The following ELAVL4 variants were observed in gnomAD, a reference collection of about 807,000 sequenced individuals.
The protein encoded by ELAVL4 is ELAV-like protein 4.
ELAVL4 carries 1 observed loss-of-function variant against 35.6 expected under a neutral mutation model. That is an observed-to-expected ratio of 0.03 (90% CI 0.01 to 0.13). The LOEUF (loss-of-function observed/expected upper bound fraction) is 0.13, where lower values mean the gene tolerates loss of function less well. Among genes scored for constraint, ELAVL4 ranks in the 10% least tolerant of loss-of-function variants. The pLI, the probability that ELAVL4 is intolerant of heterozygous loss-of-function variation, is 1.00. For missense variants in ELAVL4, 267 were observed against 464.9 expected, an observed-to-expected ratio of 0.57 and a Z score of 3.91; for synonymous variants, 156 against 171.0, an observed-to-expected ratio of 0.91 and a Z score of 0.69.
chr1:50,166,851 A>G (rs763571492), intron 2 of ELAVL4, among the ~76,000 whole-genome samples: 31 of 152,188 alleles, frequency 2.0e-4, no homozygotes, highest in Non-Finnish European at 4.3e-4. Context: ...GTTGACTTAA[A>G]GGTAGGAGGA....
chr1:50,166,760 C>T lies in ELAVL4; in HGVS notation c.251-10329C>T, dbSNP rs151319663. Among the ~76,000 whole-genome samples, 458 of 152,270 alleles carry T rather than the reference C, an allele frequency of 3.0e-3. 6 individuals are homozygous for T. The highest frequency in any genetic ancestry group is 0.011 in the African/African-American group (443 of 41,554). Reference sequence around the variant, plus strand: ...TTCCATGTATATTCTTCCTTACCTCCATTGTGGAGTAGTAGACTAATTTCA... The same window carrying T: ...TTCCATGTATATTCTTCCTTACCTCTATTGTGGAGTAGTAGACTAATTTCA... On this transcript the variant is annotated intron_variant, in intron 2 of 6. Coordinates refer to ENST00000371824, the MANE Select transcript of ELAVL4 (RefSeq NM_001144774.3).
rs1399979483 is a variant in ELAVL4, at chr1:50,055,568, G to A, written c.18+7386G>A. 3.9e-5 allele frequency among the ~76,000 whole-genome samples: 6 copies of A among 151,954 alleles called. No individual in the cohort carries two copies. In the East Asian group the frequency reaches 1.2e-3, roughly 29 times the overall value. ...CCCGCCTCGGCCTCCCAAAGTGCTGGGATTACAGGCGTGAGCCACCATGCC... is the reference window on the plus strand; with the variant it reads ...CCCGCCTCGGCCTCCCAAAGTGCTGAGATTACAGGCGTGAGCCACCATGCC... On this transcript the variant is annotated intron_variant, in intron 1 of 6. Coordinates refer to the ELAVL4 transcript ENST00000448907.
At chr1:50,072,356 T>C (rs1360231734) in intron 1 of ELAVL4, among the ~76,000 whole-genome samples, 3 of 152,152 alleles carry the variant, frequency 2.0e-5, no homozygotes, top group Non-Finnish European at 4.4e-5. Flanking sequence ...GGCTGGGTAA[T>C]TCATGGATGC....
intron 5 of ELAVL4, among the ~76,000 whole-genome samples, chr1:50,196,975 T>A (rs1231835955): frequency 1.3e-5 from 2 of 152,188 alleles, no homozygotes; most frequent in East Asian, 3.8e-4. Flanking sequence ...GTAAGATGAT[T>A]TAGTTAATGT....
chr1:50,196,074 A>C (rs374556224), intron 5 of ELAVL4, among the ~76,000 whole-genome samples: 1 of 152,400 alleles, frequency 6.6e-6, no homozygotes, highest in East Asian at 1.9e-4. Flanking sequence ...GTTCAGTTTC[A>C]ACAAGAGTTA....
intron 1 of ELAVL4, among the ~76,000 whole-genome samples, chr1:50,115,445 T>C (rs747882253): frequency 1.3e-5 from 2 of 152,122 alleles, no homozygotes; most frequent in Non-Finnish European, 2.9e-5. Context: ...GAAAAAAATA[T>C]ATATGTCTTA....
chr1:50,182,071 T>C (rs1200167411), intron 3 of ELAVL4, among the ~76,000 whole-genome samples: 2 of 152,388 alleles, frequency 1.3e-5, no homozygotes, highest in East Asian at 3.9e-4. Flanking sequence ...CTGGTACTCC[T>C]TGACCCCACA....
intron 1 of ELAVL4, among the ~76,000 whole-genome samples, chr1:50,092,218 G>A (rs921275230): frequency 6.6e-6 from 1 of 152,162 alleles, no homozygotes; most frequent in Non-Finnish European, 1.5e-5. Flanking sequence ...GGCCAGGATT[G>A]GAAACACAAA....
upstream of ELAVL4, among the ~76,000 whole-genome samples, chr1:50,101,843 A>G (rs1235584547): frequency 1.3e-5 from 2 of 152,222 alleles, no homozygotes; most frequent in Non-Finnish European, 2.9e-5. Context: ...TAAGGAAAAC[A>G]CATTTCTAGA....
At chr1:50,048,155 G>T (rs1417525816) in exon 1 of ELAVL4, 2 of 1,521,544 alleles carry the variant, frequency 1.3e-6, no homozygotes, top group Non-Finnish European at 1.8e-6. Flanking sequence ...CGGATCGCCC[G>T]GCGGGGAAGA....
intron 1 of ELAVL4, among the ~76,000 whole-genome samples, chr1:50,068,929 T>A (rs1364441409): frequency 2.0e-5 from 3 of 152,202 alleles, no homozygotes; most frequent in Non-Finnish European, 4.4e-5. Flanking sequence ...GTACCTGATT[T>A]AAACAGGGTA....
chr1:50,138,761 T>C (rs1405531275), intron 1 of ELAVL4, among the ~76,000 whole-genome samples: 2 of 152,124 alleles, frequency 1.3e-5, no homozygotes, highest in Non-Finnish European at 2.9e-5. Flanking sequence ...CCACCACACC[T>C]GGCTAATGAG....
At chr1:50,112,041 TA>T (rs1344947823) in intron 1 of ELAVL4, among the ~76,000 whole-genome samples, 2 of 152,166 alleles carry the variant, frequency 1.3e-5, no homozygotes, top group African/African-American at 4.8e-5. Flanking sequence ...TTATTGAAAG[TA>T]CACTTAATTT....
At chr1:50,077,900 C>T (rs1383680607) in intron 1 of ELAVL4, among the ~76,000 whole-genome samples, 1 of 152,134 alleles carries the variant, frequency 6.6e-6, no homozygotes, top group Non-Finnish European at 1.5e-5. Flanking sequence ...TGTTGCTGCA[C>T]ACAGATTCCC....
At position 50,177,020 on chromosome 1, in the gene ELAVL4, C is replaced by G. The variant is rs781632701; in HGVS notation, c.251-69C>G. 237 of 1,292,364 alleles carry G rather than the reference C, an allele frequency of 1.8e-4. 1 individual carries two copies. Among genetic ancestry groups the G allele is most frequent in the Non-Finnish European group, 2.5e-4 (231 of 907,798 alleles). The allele number at this position is 1,292,364 out of a possible 1,614,324, so 80.1% of individuals were successfully genotyped here. ...CCTCTATAAAGATACTGAGCATGCT[C>G]TCTCTCTCTCTCTTTCTCTCTGTCT... On this transcript the variant is annotated intron_variant, in intron 2 of 6. Transcript: ENST00000371824.
chr1:50,195,430 G>A (rs1643988203), intron 4 of ELAVL4, 131 bp from the exon 5 acceptor site: 2 of 919,086 alleles, frequency 2.2e-6, no homozygotes, highest in Admixed American at 4.1e-5. Flanking sequence ...AGAGATCAGG[G>A]AGCTGGGCTC....
At chr1:50,068,369 T>A (rs946027032) in intron 1 of ELAVL4, among the ~76,000 whole-genome samples, 1 of 152,038 alleles carries the variant, frequency 6.6e-6, no homozygotes, top group Non-Finnish European at 1.5e-5. Context: ...CATATTCTAG[T>A]ATTTTGAAGG....
upstream of ELAVL4, among the ~76,000 whole-genome samples, chr1:50,106,826 T>C (rs1323772050): frequency 2.0e-5 from 3 of 152,190 alleles, no homozygotes; most frequent in African/African-American, 7.2e-5. Context: ...CAAAACCAGC[T>C]AGTTATTTAT....
intron 1 of ELAVL4, among the ~76,000 whole-genome samples, chr1:50,086,476 TTA>T (rs35215248): frequency 0.52 from 75,139 of 144,234 alleles, 19,978 homozygotes; most frequent in Middle Eastern, 0.6. Context: ...CATTCAGCTT[TTA>T]TATATATATA....
Sources: allele counts gnomAD v4.1 joint callset (sites outside exome capture counted in the v4.1 genomes callset), GRCh38; gene constraint gnomAD v4.1.1; transcripts MANE v1.5; gene names NCBI Gene and HGNC (gene_info 2026-07-23, HGNC 2026-07-21).